Variants in CASK observed in about 807,000 individuals in gnomAD.
The protein encoded by CASK is calcium/calmodulin dependent serine protein kinase.
CASK carries 4 observed loss-of-function variants against 82.9 expected under a neutral mutation model. That is an observed-to-expected ratio of 0.05 (90% CI 0.02 to 0.11). The LOEUF (loss-of-function observed/expected upper bound fraction) is 0.11, where lower values mean the gene tolerates loss of function less well. Ranked by LOEUF, CASK falls within the 10% of genes least tolerant of loss-of-function variation. CASK has a pLI of 1.00. For missense variants in CASK, 358 were observed against 720.9 expected (o/e 0.50, Z 5.76); for synonymous variants, 259 against 253.5 (o/e 1.02, Z -0.20).
chrX:41,748,455 T>C, intron 3 of CASK: 1 of 158,100 alleles, frequency 6.3e-6, no homozygotes, highest in Non-Finnish European at 1.2e-5. Flanking sequence ...CCAGATTTGA[T>C]GTGCAACCCA....
chrX:41,591,142 A>G (rs1390279709), intron 12 of CASK, among the ~76,000 whole-genome samples: 1 of 111,847 alleles, frequency 8.9e-6, no homozygotes, highest in Admixed American at 9.5e-5. Context: ...CCTGTAAAAT[A>G]TATGTGGGCA....
intron 5 of CASK, among the ~76,000 whole-genome samples, chrX:41,719,987 G>A (rs997938448): frequency 2.7e-5 from 3 of 112,563 alleles, no homozygotes; most frequent in Non-Finnish European, 5.6e-5. Flanking sequence ...GTTAGCACAG[G>A]TCTTTGAATA....
chrX:41,637,167 G>A (rs368136065), intron 8 of CASK, among the ~76,000 whole-genome samples: 32 of 108,415 alleles, frequency 3.0e-4, no homozygotes, highest in African/African-American at 1.1e-3. Context: ...TGCCCAGGTT[G>A]GTCTCAAACT....
chrX:41,816,865 C>T (rs1367604490), intron 2 of CASK, among the ~76,000 whole-genome samples: 2 of 111,231 alleles, frequency 1.8e-5, no homozygotes, highest in Non-Finnish European at 3.8e-5. Context: ...AAAAATCGTC[C>T]TTCAAAGAAA....
At chrX:41,828,206 T>C in intron 2 of CASK, among the ~76,000 whole-genome samples, 1 of 112,174 alleles carries the variant, frequency 8.9e-6, no homozygotes, top group East Asian at 2.8e-4. Context: ...TTTCCCACTT[T>C]GATGGATCTG....
At chrX:41,817,211 G>T (rs1161753091) in intron 2 of CASK, among the ~76,000 whole-genome samples, 1 of 112,146 alleles carries the variant, frequency 8.9e-6, no homozygotes. Context: ...GGAATAGAAA[G>T]AAACTTCTTC....
chrX:41,922,142 TA>T (rs199812565), intron 1 of CASK, among the ~76,000 whole-genome samples: 2,083 of 111,971 alleles, frequency 0.019, 20 homozygotes, highest in Non-Finnish European at 0.031. Context: ...ACTGCAGATT[TA>T]ATTCTCAATC....
rs761351997 is a variant in CASK, at chrX:41,578,437, T to C, written c.1406A>G (p.Asn469Ser). Reference sequence around the variant, plus strand: ...GTTAGCACTTTCTGGAGAATCGCCGTTTAAATAGGGAGAGGTGGGAGGAGG... The same window carrying C: ...GTTAGCACTTTCTGGAGAATCGCCGCTTAAATAGGGAGAGGTGGGAGGAGG... ...VTPPPTSPYL[N>S]GDSPESANGD... Residue 469 changes from asparagine to serine, a missense_variant, in exon 15 of 27, where the codon AAC (asparagine) becomes AGC (serine). Physicochemically the swap from Asn to Ser is conservative, Grantham distance 46. Around this residue, in one of 5 missense-constraint regions of CASK, gnomAD observed 110 missense variants for 218.8 expected, o/e 0.50. Transcript: ENST00000378163. 8.3e-7 allele frequency: 1 copy of C among 1,203,381 alleles called. No homozygotes were observed. Among genetic ancestry groups the C allele is most frequent in the Non-Finnish European group, 1.1e-6 (1 of 888,056 alleles).
intron 15 of CASK, among the ~76,000 whole-genome samples, chrX:41,576,603 A>C (rs1444981972): frequency 1.8e-5 from 2 of 112,261 alleles, no homozygotes; most frequent in Admixed American, 9.5e-5. Context: ...GCATCTAATA[A>C]GAGTGATTTG....
chrX:41,590,313 C>A lies in CASK; in HGVS notation c.1156-721G>T, dbSNP rs1360544203. ...CCTGAGGTCAGGAGTTCAAGAACAG[C>A]CTGACCAACATGGCAAAACCCCGTC... On this transcript the variant is annotated intron_variant, in intron 12 of 26. Transcript: ENST00000378163. Among the ~76,000 whole-genome samples the A allele has an allele frequency of 1.4e-4, 15 of 109,725 alleles. No homozygotes were observed. In the Admixed American group the frequency reaches 1.5e-3, roughly 11 times the overall value.
intron 15 of CASK, among the ~76,000 whole-genome samples, chrX:41,576,331 T>C (rs1317029080): frequency 1.8e-5 from 2 of 111,191 alleles, no homozygotes; most frequent in African/African-American, 6.5e-5. Context: ...CAGCTGTCAC[T>C]GGACTGCTTG....
chrX:41,870,001 G>C (rs745844324), intron 1 of CASK, among the ~76,000 whole-genome samples: 3 of 108,648 alleles, frequency 2.8e-5, no homozygotes, highest in African/African-American at 1.0e-4. Context: ...AAAATAATGA[G>C]AAGATTTAAT....
intron 2 of CASK, among the ~76,000 whole-genome samples, chrX:41,805,893 T>C (rs923478752): frequency 1.8e-5 from 2 of 110,929 alleles, no homozygotes; most frequent in Admixed American, 9.6e-5. Flanking sequence ...AACAAAGAGA[T>C]AGGAAGGACA....
intron 3 of CASK, among the ~76,000 whole-genome samples, chrX:41,779,050 A>C (rs370582635): frequency 7.9e-4 from 88 of 112,097 alleles, no homozygotes; most frequent in African/African-American, 2.8e-3. Flanking sequence ...AAGGCTTGAA[A>C]GGCCTACTAA....
chrX:41,833,983 C>A (rs1382446565), intron 2 of CASK, among the ~76,000 whole-genome samples: 2 of 111,525 alleles, frequency 1.8e-5, no homozygotes, highest in African/African-American at 6.5e-5. Flanking sequence ...AACTCTTAGG[C>A]TCAGGTGATC....
chrX:41,569,396 G>A lies in CASK; in HGVS notation c.1582+272C>T, dbSNP rs1057366771. 2.7e-5 allele frequency among the ~76,000 whole-genome samples: 3 copies of A among 111,143 alleles called. No homozygotes were observed. The East Asian group carries it at 8.4e-4, about 31-fold the overall frequency. On this transcript the variant is annotated intron_variant, in intron 16 of 26. Coordinates refer to ENST00000378163, the MANE Select transcript of CASK (RefSeq NM_001367721.1). ...TGCTGGAGCCTGTGCAGATGAATAAGAAACAATGGAGGCCAATAATGATTA... is the reference window on the plus strand; with the variant it reads ...TGCTGGAGCCTGTGCAGATGAATAAAAAACAATGGAGGCCAATAATGATTA...
At chrX:41,660,035 G>T in intron 8 of CASK, 1 of 151,411 alleles carries the variant, frequency 6.6e-6, no homozygotes, top group Non-Finnish European at 1.2e-5. Flanking sequence ...TCCTAAGACA[G>T]AAAATTTATA....
intron 2 of CASK, among the ~76,000 whole-genome samples, chrX:41,792,162 T>C (rs748145539): frequency 4.5e-5 from 5 of 112,013 alleles, no homozygotes; most frequent in Admixed American, 1.9e-4. Flanking sequence ...TTAAAAATGA[T>C]TTTCCTGTAA....
At chrX:41,559,637 G>A (rs1223903055) in intron 18 of CASK, 142 bp downstream of exon 18, 3 of 547,225 alleles carry the variant, frequency 5.5e-6, no homozygotes, top group Admixed American at 2.7e-5. Flanking sequence ...ACTCTGTTCC[G>A]TTATCTTTGT....
Sources: allele counts gnomAD v4.1 joint callset (sites outside exome capture counted in the v4.1 genomes callset), GRCh38; gene constraint gnomAD v4.1.1; regional missense constraint gnomAD v4.1.1; transcripts MANE v1.5; gene names NCBI Gene and HGNC (gene_info 2026-07-23, HGNC 2026-07-21).